Variants in GAS7 observed in about 807,000 individuals in gnomAD.
GAS7 encodes the protein growth arrest-specific protein 7.
GAS7 carries 28 observed loss-of-function variants against 71.1 expected under a neutral mutation model. The ratio of observed to expected loss-of-function variants is 0.39; its 90% CI spans 0.29 to 0.54. GAS7 has a LOEUF of 0.54. Among genes scored for constraint, GAS7 ranks in the 20% least tolerant of loss-of-function variants. GAS7 has a pLI of 0.62. For missense variants in GAS7, 436 were observed against 627.8 expected (o/e 0.69, Z 3.27); for synonymous variants, 258 against 245.8 (o/e 1.05, Z -0.46).
chr17:10,176,121 C>T (rs2074372807), intron 1 of GAS7, among the ~76,000 whole-genome samples: 1 of 152,194 alleles, frequency 6.6e-6, no homozygotes, highest in African/African-American at 2.4e-5. Context: ...TAACTGAAGG[C>T]AGGGAAGGAT....
chr17:10,187,857 T>C (rs1288382023), intron 1 of GAS7, among the ~76,000 whole-genome samples: 1 of 152,226 alleles, frequency 6.6e-6, no homozygotes, highest in East Asian at 1.9e-4. Flanking sequence ...CAGTTCCCAC[T>C]TTTGAAAAGT....
chr17:10,055,384 C>A (rs1036589844), intron 1 of GAS7, among the ~76,000 whole-genome samples: 3 of 152,216 alleles, frequency 2.0e-5, no homozygotes, highest in Non-Finnish European at 4.4e-5. Flanking sequence ...TGGCCATAGG[C>A]ATCCTCACTC....
intron 2 of GAS7, among the ~76,000 whole-genome samples, chr17:9,993,301 CTGGTGTGAGA>C (rs1197039546): frequency 6.6e-6 from 1 of 152,172 alleles, no homozygotes; most frequent in East Asian, 1.9e-4. Context: ...GCCATTCTAA[CTGGTGTGAGA>C]TGGTATCTCA....
intron 1 of GAS7, among the ~76,000 whole-genome samples, chr17:10,183,234 G>A (rs1239759323): frequency 6.6e-6 from 1 of 151,958 alleles, no homozygotes; most frequent in African/African-American, 2.4e-5. Context: ...CCCCACCCCA[G>A]ACCTACTGAA....
In GAS7 at chr17:9,959,139, A is replaced by G; in HGVS notation, c.525+63T>C. On this transcript the variant is annotated intron_variant, in intron 5 of 13. Coordinates refer to ENST00000432992, the MANE Select transcript of GAS7 (RefSeq NM_201433.2). This position sits in a 1 kb window ranked among gnomAD's most constrained non-coding sequence, Gnocchi z 5.0. ...CTTGGCGGTCCACATCGCCATGGCA[A>G]CAGCCCAGCCAAATGCCCCAGCTCG... The G allele has an allele frequency of 6.4e-7, 1 of 1,569,408 alleles. No individual in the cohort carries two copies.
At chr17:10,169,101 CCT>C (rs917236194) in intron 1 of GAS7, among the ~76,000 whole-genome samples, 28 of 150,576 alleles carry the variant, frequency 1.9e-4, no homozygotes, top group African/African-American at 6.6e-4. Context: ...ATGGTGAAAC[CCT>C]GTCTCTACTA....
At chr17:10,135,753 G>A (rs921534125) in intron 1 of GAS7, among the ~76,000 whole-genome samples, 4 of 152,078 alleles carry the variant, frequency 2.6e-5, no homozygotes, top group Non-Finnish European at 5.9e-5. Flanking sequence ...ACAGACCTCC[G>A]AACTGGGGGG....
At position 9,928,279 on chromosome 17, in the gene GAS7, A is replaced by ATT. The variant is rs547589875; in HGVS notation, c.886-1512_886-1511dup. Among the ~76,000 whole-genome samples the ATT allele has an allele frequency of 6.0e-3, 822 of 137,658 alleles. 5 individuals carry two copies. Among genetic ancestry groups the ATT allele is most frequent in the South Asian group, 0.012 (51 of 4,228 alleles). 90.3% of individuals were successfully genotyped at this position (137,658 alleles called of 152,430 possible). On this transcript the variant is annotated intron_variant, in intron 9 of 13. Transcript: ENST00000432992. ...AGGCACCTGCCACCACGCCCGGCTA[A>ATT]TTTTTTTTTTTTTTTTGTATTTTTA...
intron 1 of GAS7, among the ~76,000 whole-genome samples, chr17:10,122,519 G>C (rs1021040319): frequency 6.6e-6 from 1 of 152,186 alleles, no homozygotes; most frequent in Admixed American, 6.5e-5. Flanking sequence ...AAGGAGCCTC[G>C]CCCTCCCTGG....
At chr17:10,182,173 G>A (rs999442353) in intron 1 of GAS7, among the ~76,000 whole-genome samples, 6 of 152,236 alleles carry the variant, frequency 3.9e-5, no homozygotes, top group African/African-American at 1.2e-4. Context: ...TACTTTTGGT[G>A]TGTGTGACGG....
chr17:10,040,861 C>T lies in GAS7; in HGVS notation c.184-20964G>A, dbSNP rs369307025. Among the ~76,000 whole-genome samples, 85 of 152,186 alleles carry T rather than the reference C, an allele frequency of 5.6e-4. 2 individuals are homozygous for T. The South Asian group carries it at 0.016, about 29-fold the overall frequency. ...TCTGTTCTTGGAGATGGGCTCTCACCCATAAGAAGGTAAAAGCGGGCCGGG... is the reference window on the plus strand; with the variant it reads ...TCTGTTCTTGGAGATGGGCTCTCACTCATAAGAAGGTAAAAGCGGGCCGGG... On this transcript the variant is annotated intron_variant, in intron 1 of 13. Transcript: ENST00000432992.
chr17:9,934,311 C>A (rs1201581058), intron 8 of GAS7, 67 bp from the exon 9 acceptor site: 1 of 1,099,814 alleles, frequency 9.1e-7, no homozygotes, highest in African/African-American at 1.5e-5. Context: ...GATGGTGGGG[C>A]TCCACCCCAG....
rs145286655 is a variant in GAS7 at position 10,186,395 on chromosome 17, T to A, written c.183+11813A>T. 2.5e-3 allele frequency among the ~76,000 whole-genome samples: 356 copies of A among 141,724 alleles called. 1 individual carries two copies. Among genetic ancestry groups the A allele is most frequent in the African/African-American group, 9.4e-3 (344 of 36,534 alleles). 93.0% of individuals were successfully genotyped at this position (141,724 alleles called of 152,430 possible). On this transcript the variant is annotated intron_variant, in intron 1 of 13. Coordinates refer to ENST00000432992, the MANE Select transcript of GAS7 (RefSeq NM_201433.2). ...ACACCAGAAGCCAGGCCCCACGTAT[T>A]CAAAGGCTTTTTTTTTTTTTTTTGA...
chr17:10,015,904 T>C (rs2071976743), intron 2 of GAS7, among the ~76,000 whole-genome samples: 1 of 152,142 alleles, frequency 6.6e-6, no homozygotes, highest in African/African-American at 2.4e-5. Flanking sequence ...GGACTCCTGC[T>C]TCACAACCCT....
At chr17:10,135,194 G>T (rs912846132) in intron 1 of GAS7, among the ~76,000 whole-genome samples, 71 of 152,176 alleles carry the variant, frequency 4.7e-4, no homozygotes, top group African/African-American at 1.7e-3. Context: ...CTAGGAAAAA[G>T]GTGGTAATTC....
At chr17:10,124,071 G>T (rs922955925) in intron 1 of GAS7, among the ~76,000 whole-genome samples, 12 of 152,228 alleles carry the variant, frequency 7.9e-5, no homozygotes, top group African/African-American at 2.9e-4. Context: ...TATCTCAAGG[G>T]GGAATGTGTG....
At chr17:10,128,792 TG>T (rs371918510) in intron 1 of GAS7, among the ~76,000 whole-genome samples, 140 of 152,148 alleles carry the variant, frequency 9.2e-4, no homozygotes, top group African/African-American at 3.2e-3. Flanking sequence ...GCTAATTTTT[TG>T]TATTTGTAGT....
At chr17:10,127,346 T>C (rs138923339) in intron 1 of GAS7, among the ~76,000 whole-genome samples, 40 of 152,184 alleles carry the variant, frequency 2.6e-4, no homozygotes, top group Non-Finnish European at 4.3e-4. Flanking sequence ...CAGCCTGCTG[T>C]GTAAAGATGA....
chr17:10,175,662 T>G (rs946279461), intron 1 of GAS7, among the ~76,000 whole-genome samples: 21 of 152,176 alleles, frequency 1.4e-4, no homozygotes, highest in African/African-American at 3.9e-4. Flanking sequence ...AAAATTCTTT[T>G]TCTTTTTATT....
Sources: allele counts gnomAD v4.1 joint callset (sites outside exome capture counted in the v4.1 genomes callset), GRCh38; gene constraint gnomAD v4.1.1; non-coding constraint Gnocchi (gnomAD v3.1); transcripts MANE v1.5; gene names NCBI Gene and HGNC (gene_info 2026-07-23, HGNC 2026-07-21).